KCNQ5: variants seen among roughly 807,000 people sequenced by gnomAD.
The protein encoded by KCNQ5 is potassium voltage-gated channel subfamily KQT member 5.
A neutral mutation model predicts 98.2 loss-of-function variants in KCNQ5; 30 were observed. The ratio of observed to expected loss-of-function variants is 0.31; its 90% CI spans 0.23 to 0.41. The LOEUF (loss-of-function observed/expected upper bound fraction) is 0.41, where lower values mean the gene tolerates loss of function less well. KCNQ5 is among the 10% of genes least tolerant of loss of function. KCNQ5 has a pLI of 1.00. For missense variants in KCNQ5, 835 were observed against 1,182.5 expected (o/e 0.71, Z 4.31); for synonymous variants, 458 against 449.4 (o/e 1.02, Z -0.24).
chr6:73,192,788 TAAATA>T, intron 13 of KCNQ5, 97 bp downstream of exon 13: 1 of 1,085,196 alleles, frequency 9.2e-7, no homozygotes, highest in Admixed American at 3.2e-5. Flanking sequence ...TATTTTAAAA[TAAATA>T]AAATCACAAA....
intron 1 of KCNQ5, among the ~76,000 whole-genome samples, chr6:72,750,914 A>C (rs1771646924): frequency 6.6e-6 from 1 of 152,018 alleles, no homozygotes; most frequent in African/African-American, 2.4e-5. Context: ...AATGAGTTTC[A>C]TCAATTTATG....
In KCNQ5 at chr6:73,163,783, G is replaced by A. The variant is rs561584194; in HGVS notation, c.1469-5963G>A. ...TAAATAAATAAGTAAATAAAAAATAGCATACAATAATCATACAAATACACA... is the reference window on the plus strand; with the variant it reads ...TAAATAAATAAGTAAATAAAAAATAACATACAATAATCATACAAATACACA... On this transcript the variant is annotated intron_variant, in intron 10 of 13. Transcript: ENST00000370398. Among the ~76,000 whole-genome samples, 5 of 152,138 alleles carry A rather than the reference G, an allele frequency of 3.3e-5. No homozygotes were observed. In the South Asian group the frequency reaches 1.0e-3, roughly 32 times the overall value.
intron 1 of KCNQ5, among the ~76,000 whole-genome samples, chr6:72,709,039 A>C (rs1163085145): frequency 6.6e-6 from 1 of 152,126 alleles, no homozygotes; most frequent in Non-Finnish European, 1.5e-5. Flanking sequence ...AAAATAATCT[A>C]AATATAATGT....
At chr6:72,854,721 T>TACACACACAC (rs59899899) in intron 1 of KCNQ5, among the ~76,000 whole-genome samples, 4 of 126,846 alleles carry the variant, frequency 3.2e-5, no homozygotes, top group African/African-American at 1.2e-4. Context: ...TCTTTCTTTG[T>TACACACACAC]ACACACACAC....
chr6:72,941,871 A>G (rs1226128160), intron 1 of KCNQ5, among the ~76,000 whole-genome samples: 1 of 152,092 alleles, frequency 6.6e-6, no homozygotes, highest in Non-Finnish European at 1.5e-5. Flanking sequence ...AATGCGGGGA[A>G]AAGTTATTCA....
chr6:72,825,155 A>AC (rs1775936804), intron 1 of KCNQ5, among the ~76,000 whole-genome samples: 1 of 152,034 alleles, frequency 6.6e-6, no homozygotes, highest in South Asian at 2.1e-4. Context: ...AACAACAACA[A>AC]AAAAACGAAC....
intron 1 of KCNQ5, among the ~76,000 whole-genome samples, chr6:72,666,411 C>T (rs911067613): frequency 5.3e-5 from 8 of 152,088 alleles, no homozygotes; most frequent in African/African-American, 7.2e-5. Context: ...ATATCACTAT[C>T]GTAAAACTGA....
rs559027883 is a variant in KCNQ5, at chr6:72,736,649, G to C, written c.398+114062G>C. Among the ~76,000 whole-genome samples the C allele has an allele frequency of 3.1e-3, 456 of 148,406 alleles. 2 individuals are homozygous for C. Among genetic ancestry groups the C allele is most frequent in the African/African-American group, 0.011 (440 of 39,486 alleles). On this transcript the variant is annotated intron_variant, in intron 1 of 13. Coordinates refer to ENST00000370398, the MANE Select transcript of KCNQ5 (RefSeq NM_019842.4). ...CAAGTAGCTGGGACTACAGGCGCCC[G>C]CCACCACGCCCGGCTAATTTTTTGT...
chr6:72,706,969 G>A (rs1769120115), intron 1 of KCNQ5, among the ~76,000 whole-genome samples: 1 of 151,962 alleles, frequency 6.6e-6, no homozygotes, highest in African/African-American at 2.4e-5. Context: ...TACTTTTAAG[G>A]AAAATTCATT....
intron 9 of KCNQ5, among the ~76,000 whole-genome samples, chr6:73,128,529 T>C (rs1238329480): frequency 6.6e-6 from 1 of 152,226 alleles, no homozygotes; most frequent in Non-Finnish European, 1.5e-5. Context: ...GATTATCAAA[T>C]AGTAGTCAGT....
At chr6:72,663,128 G>A (rs533669294) in intron 1 of KCNQ5, among the ~76,000 whole-genome samples, 7 of 152,124 alleles carry the variant, frequency 4.6e-5, no homozygotes, top group African/African-American at 1.7e-4. Flanking sequence ...TACACACCGG[G>A]GACTGTCAGG....
chr6:72,798,198 T>C (rs1774441433), intron 1 of KCNQ5, among the ~76,000 whole-genome samples: 1 of 152,210 alleles, frequency 6.6e-6, no homozygotes, highest in South Asian at 2.1e-4. Context: ...TGAAAGTTCA[T>C]GAGTATGTCC....
At chr6:73,010,571 T>C (rs551665492) in intron 2 of KCNQ5, among the ~76,000 whole-genome samples, 24 of 150,262 alleles carry the variant, frequency 1.6e-4, no homozygotes, top group Non-Finnish European at 3.0e-4. Context: ...GCATCCCAAC[T>C]GAAAAAGTAA....
chr6:73,090,946 A>G (rs1020569375), intron 5 of KCNQ5, among the ~76,000 whole-genome samples: 1 of 152,210 alleles, frequency 6.6e-6, no homozygotes, highest in Non-Finnish European at 1.5e-5. Flanking sequence ...TAGACATACC[A>G]TTTGACCCAG....
At chr6:72,691,628 T>C (rs1768217565) in intron 1 of KCNQ5, among the ~76,000 whole-genome samples, 1 of 152,174 alleles carries the variant, frequency 6.6e-6, no homozygotes, top group Non-Finnish European at 1.5e-5. Flanking sequence ...AACAGGAATA[T>C]TAGAGATGGG....
chr6:72,916,373 T>C (rs940656943), intron 1 of KCNQ5, among the ~76,000 whole-genome samples: 1 of 152,198 alleles, frequency 6.6e-6, no homozygotes, highest in Non-Finnish European at 1.5e-5. Flanking sequence ...TATTAGCTCA[T>C]GCTCTCTAAG....
chr6:72,669,658 A>G (rs1283789323), intron 1 of KCNQ5, among the ~76,000 whole-genome samples: 1 of 152,176 alleles, frequency 6.6e-6, no homozygotes, highest in East Asian at 1.9e-4. Context: ...GTTCGTGTTC[A>G]TAGACAAAGA....
At chr6:72,806,561 C>T (rs1275791350) in intron 1 of KCNQ5, among the ~76,000 whole-genome samples, 2 of 152,110 alleles carry the variant, frequency 1.3e-5, no homozygotes, top group Admixed American at 1.3e-4. Context: ...CGAAGTAAGG[C>T]AATAAGCAGA....
intron 2 of KCNQ5, among the ~76,000 whole-genome samples, chr6:73,007,410 A>G (rs1228494884): frequency 1.3e-5 from 2 of 152,180 alleles, no homozygotes; most frequent in East Asian, 3.9e-4. Context: ...TATCTGTTAA[A>G]AGTGAATAGG....
Sources: allele counts gnomAD v4.1 joint callset (sites outside exome capture counted in the v4.1 genomes callset), GRCh38; gene constraint gnomAD v4.1.1; transcripts MANE v1.5; gene names NCBI Gene and HGNC (gene_info 2026-07-23, HGNC 2026-07-21).